The following CDKL4 variants were observed in gnomAD, a reference collection of about 807,000 sequenced individuals.
CDKL4 encodes cyclin dependent kinase like 4.
A neutral mutation model predicts 42.0 loss-of-function variants in CDKL4; 44 were observed. That is an observed-to-expected ratio of 1.05 (90% CI 0.82 to 1.35). The LOEUF is 1.35. CDKL4 is among the 40% of genes most tolerant of loss of function. The pLI, the probability that CDKL4 is intolerant of heterozygous loss-of-function variation, is 0.00. For synonymous variants in CDKL4, 120 were observed against 121.6 expected, an observed-to-expected ratio of 0.99 and a Z score of 0.09; for missense variants, 393 against 369.9, an observed-to-expected ratio of 1.06 and a Z score of -0.51.
chr2:39,221,865 G>C (rs1335634905), intron 3 of CDKL4, among the ~76,000 whole-genome samples: 1 of 152,094 alleles, frequency 6.6e-6, no homozygotes, highest in Admixed American at 6.6e-5. Flanking sequence ...CTCACTTCCC[G>C]GGGTCAACAG....
At chr2:39,168,314 C>T in the CDKL4 span, among the ~76,000 whole-genome samples, 7 of 152,130 alleles carry the variant, frequency 4.6e-5, no homozygotes, top group African/African-American at 1.7e-4. Flanking sequence ...AATATTTAGA[C>T]ATATGGTCAA....
At chr2:39,226,785 T>C (rs567098181) in intron 2 of CDKL4, among the ~76,000 whole-genome samples, 3 of 152,048 alleles carry the variant, frequency 2.0e-5, no homozygotes, top group African/African-American at 7.2e-5. Flanking sequence ...CAGGACACTT[T>C]TTTTTTTTCC....
At chr2:39,227,129 C>A (rs1678796977) in intron 2 of CDKL4, among the ~76,000 whole-genome samples, 1 of 152,206 alleles carries the variant, frequency 6.6e-6, no homozygotes, top group African/African-American at 2.4e-5. Context: ...AGGCAGGACA[C>A]TGGGACAAAA....
intron 6 of CDKL4, 137 bp from the exon 7 acceptor site, chr2:39,187,846 T>C: frequency 1.7e-6 from 1 of 603,024 alleles, no homozygotes; most frequent in Non-Finnish European, 2.9e-6. Flanking sequence ...GGCAGGTGGA[T>C]CACTTGACGT....
intron 5 of CDKL4, among the ~76,000 whole-genome samples, chr2:39,192,540 T>TA (rs558470736): frequency 0.023 from 3,225 of 139,464 alleles, 39 homozygotes; most frequent in Middle Eastern, 0.032. Context: ...TAAAAAAAAA[T>TA]TTTTTTTTTT....
chr2:39,214,938 A>C (rs1677825165), intron 3 of CDKL4, among the ~76,000 whole-genome samples: 1 of 152,174 alleles, frequency 6.6e-6, no homozygotes. Flanking sequence ...CTCTGGGAGT[A>C]TTCTACTTTA....
At chr2:39,188,500 T>G (rs1437068888) in intron 6 of CDKL4, among the ~76,000 whole-genome samples, 1 of 128,834 alleles carries the variant, frequency 7.8e-6, no homozygotes, top group Non-Finnish European at 1.6e-5. Flanking sequence ...AGGCGGAGGT[T>G]GCAGTGAGCC....
intron 9 of CDKL4, chr2:39,178,507 G>T: frequency 6.5e-7 from 1 of 1,528,734 alleles, no homozygotes; most frequent in South Asian, 1.2e-5. Context: ...TACAAGGTGA[G>T]AAAAAGCCCT....
At chr2:39,189,101 C>T (rs922351831) in intron 6 of CDKL4, among the ~76,000 whole-genome samples, 21 of 152,172 alleles carry the variant, frequency 1.4e-4, no homozygotes, top group African/African-American at 4.6e-4. Flanking sequence ...TAATCTACCC[C>T]ACATTTTTCA....
chr2:39,224,942 T>A (rs575517755), intron 3 of CDKL4, among the ~76,000 whole-genome samples: 41 of 152,360 alleles, frequency 2.7e-4, no homozygotes, highest in Non-Finnish European at 4.6e-4. Context: ...ATCAGTAATA[T>A]CTTGCAAATA....
In CDKL4 at chr2:39,178,489, G is replaced by T. The variant is rs552118819; in HGVS notation, c.927+698C>A. 51 of 1,386,636 alleles carry T rather than the reference G, an allele frequency of 3.7e-5. 1 individual carries two copies. In the South Asian group the frequency reaches 6.0e-4, roughly 16 times the overall value. 85.9% of individuals were successfully genotyped at this position (1,386,636 alleles called of 1,614,324 possible). On this transcript the variant is annotated intron_variant, in intron 9 of 9. Transcript: ENST00000451199. ...CTCTGTGTCAGATACTGTTTTAGGT[G>T]CCGGGTTTACAAGGTGAGAAAAAGC...
At chr2:39,241,360 C>T (rs747735679) in intron 1 of CDKL4, among the ~76,000 whole-genome samples, 2 of 152,090 alleles carry the variant, frequency 1.3e-5, no homozygotes, top group African/African-American at 2.4e-5. Context: ...ACTCTTATTG[C>T]CAGCTTGAAA....
At chr2:39,183,221 A>C (rs771893449) in intron 8 of CDKL4, among the ~76,000 whole-genome samples, 8 of 151,994 alleles carry the variant, frequency 5.3e-5, no homozygotes, top group Non-Finnish European at 1.0e-4. Flanking sequence ...CGGAGGTTAC[A>C]GTGAGCGGAG....
At chr2:39,246,838 G>T (rs1679934762), upstream of CDKL4, among the ~76,000 whole-genome samples, 1 of 152,056 alleles carries the variant, frequency 6.6e-6, no homozygotes, top group African/African-American at 2.4e-5. Flanking sequence ...CAAACTCTTG[G>T]GCTCAAGTGA....
upstream of CDKL4, among the ~76,000 whole-genome samples, chr2:39,246,737 A>T (rs547979983): frequency 6.6e-6 from 1 of 150,622 alleles, no homozygotes; most frequent in Non-Finnish European, 1.5e-5. Flanking sequence ...AATTAGGCAC[A>T]ACCTCTTGTA....
chr2:39,187,682 A>T, exon 7 of CDKL4: 1 of 1,612,674 alleles, frequency 6.2e-7, no homozygotes, highest in Non-Finnish European at 8.5e-7. Flanking sequence ...ACTTTTAAAG[A>T]TTGATTGATG....
intron 1 of CDKL4, among the ~76,000 whole-genome samples, chr2:39,241,535 T>G (rs4516411): frequency 0.063 from 9,656 of 152,264 alleles, 437 homozygotes; most frequent in Non-Finnish European, 0.099. Flanking sequence ...AAGTTCAAAC[T>G]GTAGTATGAT....
intron 3 of CDKL4, among the ~76,000 whole-genome samples, chr2:39,217,619 T>G (rs1194719400): frequency 6.6e-6 from 1 of 152,168 alleles, no homozygotes; most frequent in South Asian, 2.1e-4. Context: ...CCTTCCCAAC[T>G]TTATCTCCTA....
At chr2:39,173,667 G>A (rs372221530), downstream of CDKL4, among the ~76,000 whole-genome samples, 199 of 152,108 alleles carry the variant, frequency 1.3e-3, 1 homozygote, top group African/African-American at 4.6e-3. Flanking sequence ...ACAATTAGTC[G>A]GGCGTGGTGG....
Sources: gnomAD v4.1 joint callset for allele counts (sites outside exome capture counted in the v4.1 genomes callset) on GRCh38, gnomAD v4.1.1 for gene constraint, MANE v1.5 for transcripts, NCBI Gene and HGNC (gene_info 2026-07-23, HGNC 2026-07-21) for gene names.